Variants in ABHD6 observed in about 807,000 individuals in gnomAD.
The protein encoded by ABHD6 is monoacylglycerol lipase ABHD6.
Under a neutral mutation model 38.8 loss-of-function variants are expected in ABHD6, and 33 were observed. That is an observed-to-expected ratio of 0.85 (90% confidence interval 0.64 to 1.14). The LOEUF is 1.14. ABHD6 is among the 50% of genes most tolerant of loss of function. The probability of loss-of-function intolerance (pLI) is 0.00; values close to 1 mark genes in which losing one functional copy is unlikely to be tolerated. For missense variants in ABHD6, 380 were observed against 422.6 expected (o/e 0.90, Z 0.88); for synonymous variants, 147 against 161.6 (o/e 0.91, Z 0.69).
intron 1 of ABHD6, among the ~76,000 whole-genome samples, chr3:58,247,569 T>G (rs998025986): frequency 6.6e-6 from 1 of 152,088 alleles, no homozygotes; most frequent in African/African-American, 2.4e-5. Context: ...TTATTTTTTG[T>G]TTTTTTGTTT....
In ABHD6 at chr3:58,274,700, A is replaced by C; in HGVS notation, c.566A>C (p.Lys189Thr). The change falls in exon 7 of 10, where the codon AAA becomes ACA. Residue 189 changes from lysine (K) to threonine (T), a missense_variant. By Grantham distance (78) the Lys-to-Thr change is moderately conservative. Transcript: ENST00000478253. ...STDNQFVQRL[K>T]ELQGSAAVEK... ...GACAATCAATTTGTACAACGGCTCA[A>C]AGAACTGCAGGGCTCTGCCGCCGTG... The C allele has an allele frequency of 6.2e-7, 1 of 1,614,246 alleles. No individual in the cohort carries two copies. The highest frequency in any genetic ancestry group is 8.5e-7 in the Non-Finnish European group (1 of 1,180,038).
At chr3:58,252,399 A>T (rs2097430660) in intron 2 of ABHD6, among the ~76,000 whole-genome samples, 1 of 151,628 alleles carries the variant, frequency 6.6e-6, no homozygotes, top group Admixed American at 6.6e-5. Flanking sequence ...TTTTTTGTAA[A>T]GATGGGGCCT....
chr3:58,259,612 C>T lies in ABHD6; in HGVS notation c.119+2907C>T, dbSNP rs941769807. ...AGAAGAATCGCTTGAACCCAGGAAG[C>T]GGAGGTTGCAGTGAGCCGAGATCGT... On this transcript the variant is annotated intron_variant, in intron 3 of 9. Transcript: ENST00000478253. This position sits in a 1 kb window ranked among gnomAD's most constrained non-coding sequence, Gnocchi z 4.7. Among the ~76,000 whole-genome samples the T allele has an allele frequency of 2.0e-5, 3 of 152,058 alleles. No individual in the cohort carries two copies. The highest frequency in any genetic ancestry group is 6.6e-5 in the Admixed American group (1 of 15,260).
chr3:58,242,968 G>A (rs11716580), intron 1 of ABHD6, among the ~76,000 whole-genome samples: 8 of 152,158 alleles, frequency 5.3e-5, no homozygotes, highest in South Asian at 2.1e-4. Flanking sequence ...GAGACTGTGC[G>A]GTGTTTGGTT....
intron 1 of ABHD6, among the ~76,000 whole-genome samples, chr3:58,247,152 A>G (rs2097427002): frequency 6.6e-6 from 1 of 151,210 alleles, no homozygotes; most frequent in African/African-American, 2.4e-5. Context: ...ACAGGCATGC[A>G]CCACCACGCC....
chr3:58,260,412 T>G (rs940598610), intron 3 of ABHD6, among the ~76,000 whole-genome samples: 5 of 152,238 alleles, frequency 3.3e-5, no homozygotes, highest in African/African-American at 1.2e-4. Context: ...CAGGTGGCAT[T>G]GTGACACGGG....
intron 7 of ABHD6, 24 bp downstream of exon 7, chr3:58,274,839 C>T (rs751630679): frequency 1.9e-6 from 3 of 1,609,312 alleles, no homozygotes; most frequent in Non-Finnish European, 2.5e-6. Context: ...AGCAGCGACA[C>T]AACTACCCTC....
intron 7 of ABHD6, among the ~76,000 whole-genome samples, chr3:58,281,950 T>C (rs927405353): frequency 3.9e-5 from 6 of 152,178 alleles, no homozygotes; most frequent in Non-Finnish European, 8.8e-5. Context: ...ACCCCATCTC[T>C]ATTTAAATAC....
intron 1 of ABHD6, among the ~76,000 whole-genome samples, chr3:58,241,575 G>C (rs1030573184): frequency 6.6e-6 from 1 of 152,230 alleles, no homozygotes; most frequent in Non-Finnish European, 1.5e-5. Context: ...GTGGCTGTTT[G>C]GCTGTTGGCA....
Position 58,256,345 on chromosome 3 carries a change from GTT to G in ABHD6, c.-25-206_-25-205del, listed in dbSNP as rs10574237. Among the ~76,000 whole-genome samples the G allele has an allele frequency of 0.71, 107,348 of 150,656 alleles. 38,832 individuals are homozygous for G. The highest frequency in any genetic ancestry group is 0.99 in the East Asian group (5,113 of 5,142). On this transcript the variant is annotated intron_variant, in intron 2 of 9. Transcript: ENST00000478253. This position sits in a 1 kb window ranked among gnomAD's most constrained non-coding sequence, Gnocchi z 4.3. ...TTGTCCCAACTATGTCCTTTATAAT[GTT>G]TTTTTTTTTTACAAATCCAGGCTCC...
intron 4 of ABHD6, among the ~76,000 whole-genome samples, chr3:58,268,796 G>A (rs1225483332): frequency 1.3e-5 from 2 of 152,212 alleles, no homozygotes; most frequent in Non-Finnish European, 2.9e-5. Flanking sequence ...ATGGAAGAAG[G>A]TGTTTTAGGA....
At chr3:58,247,666 T>G (rs1437282069) in intron 1 of ABHD6, among the ~76,000 whole-genome samples, 1 of 152,118 alleles carries the variant, frequency 6.6e-6, no homozygotes, top group Non-Finnish European at 1.5e-5. Flanking sequence ...AACCTCCACC[T>G]CGCGGTCAAG....
intron 3 of ABHD6, among the ~76,000 whole-genome samples, chr3:58,258,027 G>A (rs967117343): frequency 6.6e-6 from 1 of 152,246 alleles, no homozygotes; most frequent in East Asian, 1.9e-4. Context: ...ATCAAAAAGT[G>A]CCTGGCGCAG....
At position 58,256,496 on chromosome 3, in the gene ABHD6, T is replaced by G. The variant is rs1337052039; in HGVS notation, c.-25-66T>G. 5 of 958,378 alleles carry G rather than the reference T, an allele frequency of 5.2e-6. No individual in the cohort carries two copies. The highest frequency in any genetic ancestry group is 8.0e-6 in the Non-Finnish European group (5 of 624,758). 59.4% of individuals were successfully genotyped at this position (958,378 alleles called of 1,614,324 possible). ...GGGAACTTCACTTTTCTTGTCCCCT[T>G]TACTTCTTCGCCTTTTTTCCTTTGA... On this transcript the variant is annotated intron_variant, in intron 2 of 9. Transcript: ENST00000478253. This position sits in a 1 kb window ranked among gnomAD's most constrained non-coding sequence, Gnocchi z 4.3.
chr3:58,267,278 A>G lies in ABHD6; in HGVS notation c.209A>G (p.His70Arg). Residue 70 changes from histidine (H) to arginine (R), a missense_variant, in exon 4 of 10, where the codon CAC becomes CGC. Coordinates refer to ENST00000478253, the MANE Select transcript of ABHD6 (RefSeq NM_001320126.2). This position sits in a 1 kb window ranked among gnomAD's most constrained non-coding sequence, Gnocchi z 4.3. Reference sequence around the variant, plus strand: ...TATTCCTTCCGGGGCAGGCCTGGGCACAAACCCTCCATCCTCATGCTCCAC... The same window carrying G: ...TATTCCTTCCGGGGCAGGCCTGGGCGCAAACCCTCCATCCTCATGCTCCAC... ...FCYSFRGRPG[H>R]KPSILMLHGF... 6.2e-7 allele frequency: 1 copy of G among 1,614,190 alleles called. No individual in the cohort carries two copies. The highest frequency in any genetic ancestry group is 1.6e-4 in the Middle Eastern group (1 of 6,062).
At chr3:58,280,705 T>C (rs1052857699) in intron 7 of ABHD6, among the ~76,000 whole-genome samples, 7 of 152,262 alleles carry the variant, frequency 4.6e-5, no homozygotes, top group Non-Finnish European at 1.0e-4. Context: ...TTTTCTGCTC[T>C]GGTTTCTCCC....
At chr3:58,274,151 C>T (rs1300844455) in intron 6 of ABHD6, among the ~76,000 whole-genome samples, 1 of 152,174 alleles carries the variant, frequency 6.6e-6, no homozygotes, top group Non-Finnish European at 1.5e-5. Context: ...TGTGTTTTAT[C>T]ATTGACCCCA....
rs182459703 is a variant in ABHD6, at chr3:58,281,026, G to A, written c.682-4059G>A. ...TGTCAATCAGCCCCTACTGGGAGGTGTCTCCCAGTTAGGCTACACGAGGGT... is the reference window on the plus strand; with the variant it reads ...TGTCAATCAGCCCCTACTGGGAGGTATCTCCCAGTTAGGCTACACGAGGGT... On this transcript the variant is annotated intron_variant, in intron 7 of 9. Coordinates refer to ENST00000478253, the MANE Select transcript of ABHD6 (RefSeq NM_001320126.2). Among the ~76,000 whole-genome samples, 549 of 152,296 alleles carry A rather than the reference G, an allele frequency of 3.6e-3. 3 individuals carry two copies. Among genetic ancestry groups the A allele is most frequent in the Non-Finnish European group, 6.0e-3 (411 of 68,018 alleles).
At chr3:58,250,273 G>C (rs567830908) in intron 2 of ABHD6, among the ~76,000 whole-genome samples, 1 of 152,304 alleles carries the variant, frequency 6.6e-6, no homozygotes, top group East Asian at 1.9e-4. Flanking sequence ...AGGCAGGGAA[G>C]AGTTCATCAG....
Sources: gnomAD v4.1 joint callset for allele counts (sites outside exome capture counted in the v4.1 genomes callset) on GRCh38, gnomAD v4.1.1 for gene constraint, Gnocchi (gnomAD v3.1) non-coding constraint, MANE v1.5 for transcripts, NCBI Gene and HGNC (gene_info 2026-07-23, HGNC 2026-07-21) for gene names.